Variants in HMMR observed in about 807,000 individuals in gnomAD.
HMMR encodes the protein intracellular hyaluronic acid-binding protein.
In HMMR, 108 loss-of-function variants were observed where a neutral mutation model predicts 101.0. That is an observed-to-expected ratio of 1.07 (90% CI 0.92 to 1.25). The LOEUF is 1.25. Ranked by LOEUF, HMMR falls within the 50% of genes most tolerant of loss-of-function variation. The pLI is 0.00. For synonymous variants in HMMR, 296 were observed against 276.4 expected (o/e 1.07, Z -0.70); for missense variants, 813 against 788.7 (o/e 1.03, Z -0.37).
intron 15 of HMMR, 114 bp downstream of exon 15, chr5:163,483,481 A>G (rs1441633464): frequency 1.0e-5 from 6 of 598,690 alleles, no homozygotes; most frequent in Non-Finnish European, 1.8e-5. Flanking sequence ...CTCTGCACTT[A>G]CAGTGCCAAT....
intron 1 of HMMR, among the ~76,000 whole-genome samples, chr5:163,463,272 A>G (rs1758598175): frequency 6.6e-6 from 1 of 152,254 alleles, no homozygotes. Flanking sequence ...ATTAAATAAA[A>G]TAACATCTGT....
chr5:163,478,911 T>A, intron 12 of HMMR, 111 bp downstream of exon 12: 1 of 609,276 alleles, frequency 1.6e-6, no homozygotes, highest in Non-Finnish European at 3.0e-6. Context: ...CATACTAGTT[T>A]AAATTCCATA....
intron 12 of HMMR, among the ~76,000 whole-genome samples, 160 bp downstream of exon 12, chr5:163,478,960 ATCTTATTGTAT>A (rs1293383391): frequency 3.3e-5 from 5 of 152,154 alleles, no homozygotes; most frequent in African/African-American, 4.8e-5. Context: ...TTATCTGGTA[ATCTTATTGTAT>A]TTATATAATT....
chr5:163,491,022 A>G (rs1225833944), intron 17 of HMMR, 90 bp from the exon 18 acceptor site: 3 of 639,844 alleles, frequency 4.7e-6, no homozygotes, highest in African/African-American at 3.8e-5. Flanking sequence ...TCTGCCTTAA[A>G]GAAGATACAA....
At chr5:163,468,059 A>C (rs1414126433) in intron 4 of HMMR, among the ~76,000 whole-genome samples, 2 of 152,236 alleles carry the variant, frequency 1.3e-5, no homozygotes, top group Non-Finnish European at 2.9e-5. Flanking sequence ...TCCATCGTTC[A>C]CAGTCTTCCT....
At chr5:163,474,450 A>C (rs1581193792) in intron 10 of HMMR, 1 of 496,180 alleles carries the variant, frequency 2.0e-6, no homozygotes, top group South Asian at 1.7e-5. Flanking sequence ...ATTTTTAAAA[A>C]ATTTTCTGGC....
intron 10 of HMMR, 49 bp from the exon 11 acceptor site, chr5:163,475,409 C>A: frequency 1.8e-6 from 2 of 1,110,378 alleles, no homozygotes; most frequent in Non-Finnish European, 2.6e-6. Context: ...CTAGTACAAC[C>A]TCACAATGCC....
chr5:163,468,120 A>C (rs776936310), intron 4 of HMMR, among the ~76,000 whole-genome samples: 2 of 152,262 alleles, frequency 1.3e-5, no homozygotes, highest in Non-Finnish European at 2.9e-5. Context: ...CTTAGTGAGC[A>C]TGCAATCCTA....
chr5:163,469,837 A>G lies in HMMR; in HGVS notation c.462+8A>G, dbSNP rs780269534. ...GAACTACTAAAATCTAAGGTATCTG[A>G]GCCTCATGATAATATTTACAATTGA... is the stretch of plus-strand genomic sequence containing the variant. On this transcript the variant is annotated splice_region_variant and intron_variant, in intron 5 of 17. Transcript: ENST00000393915. 7 of 1,550,296 alleles carry G rather than the reference A, an allele frequency of 4.5e-6. No individual in the cohort carries two copies. The East Asian group carries it at 9.0e-5, about 20-fold the overall frequency.
At chr5:163,466,206 G>T (rs1209983619) in intron 3 of HMMR, among the ~76,000 whole-genome samples, 4 of 151,788 alleles carry the variant, frequency 2.6e-5, no homozygotes, top group Non-Finnish European at 5.9e-5. Context: ...GGCAGAGGTT[G>T]CAGTGAGCCG....
At chr5:163,485,526 A>G (rs951966531) in intron 16 of HMMR, among the ~76,000 whole-genome samples, 2 of 152,172 alleles carry the variant, frequency 1.3e-5, no homozygotes, top group African/African-American at 4.8e-5. Flanking sequence ...TTGGATTATT[A>G]GTCTTTTTAT....
chr5:163,490,562 G>A lies in HMMR; in HGVS notation c.2125+10G>A. 6.4e-7 allele frequency: 1 copy of A among 1,569,910 alleles called. No homozygotes were observed. Among genetic ancestry groups the A allele is most frequent in the Non-Finnish European group, 8.6e-7 (1 of 1,157,700 alleles). ...ACCCCATTAAAAGAAGGTAAGACAT[G>A]AATAAATGTATAAAAGTGTCCTCTT... On this transcript the variant is annotated intron_variant, in intron 17 of 17. Coordinates refer to ENST00000393915, the MANE Select transcript of HMMR (RefSeq NM_001142556.2).
In HMMR at chr5:163,491,584, C is replaced by A. The variant is rs1178906166; in HGVS notation, c.*420C>A. The A allele has an allele frequency of 6.5e-6, 1 of 153,670 alleles. No individual in the cohort carries two copies. The highest frequency in any genetic ancestry group is 2.4e-5 in the African/African-American group (1 of 41,510). The allele number at this position is 153,670 out of a possible 1,614,324, so 9.5% of individuals were successfully genotyped here. A position where few individuals can be genotyped will look rare whatever the true frequency, so the allele number is the denominator to read the frequency against. ...GCTTGTTATTGCCTCTACTTTGATT[C>A]TGATAATGCTCACTTGGTCCTACCT... On this transcript the variant is annotated 3_prime_UTR_variant, in exon 18 of 18. Coordinates refer to ENST00000393915, the MANE Select transcript of HMMR (RefSeq NM_001142556.2).
intron 12 of HMMR, 45 bp from the exon 13 acceptor site, chr5:163,482,597 G>A (rs187318276): frequency 3.2e-5 from 44 of 1,371,846 alleles, no homozygotes; most frequent in East Asian, 2.1e-4. Context: ...ATTGTCATAC[G>A]CAATAGTTAG....
Position 163,471,463 on chromosome 5 carries a change from T to C in HMMR, c.650T>C (p.Leu217Pro). 6.3e-7 allele frequency: 1 copy of C among 1,581,690 alleles called. No individual in the cohort carries two copies. Among genetic ancestry groups the C allele is most frequent in the Non-Finnish European group, 8.7e-7 (1 of 1,151,166 alleles). ...AAAATAGCCCAACTGGAGGGAAAACTGTAAGTGAGTGAATGTGAAGAGAAA... is the reference window on the plus strand; with the variant it reads ...AAAATAGCCCAACTGGAGGGAAAACCGTAAGTGAGTGAATGTGAAGAGAAA... ...QGKIAQLEGKLVSIEKEKIDE... is the reference protein window; with the variant it reads ...QGKIAQLEGKPVSIEKEKIDE... The change falls in exon 7 of 18, where the codon CTT (leucine) becomes CCT (proline). Residue 217 changes from leucine to proline, a missense_variant and splice_region_variant. Coordinates refer to ENST00000393915, the MANE Select transcript of HMMR (RefSeq NM_001142556.2).
chr5:163,462,231 A>T (rs1450608913), intron 1 of HMMR, among the ~76,000 whole-genome samples: 1 of 151,970 alleles, frequency 6.6e-6, no homozygotes, highest in Non-Finnish European at 1.5e-5. Context: ...TTTATCAAAG[A>T]TATAGTATTT....
At position 163,483,042 on chromosome 5, in the gene HMMR, A is replaced by G. The variant is rs1398066620; in HGVS notation, c.1555A>G (p.Lys519Glu). Residue 519 changes from lysine to glutamate, a missense_variant, in exon 14 of 18, where the codon AAG (lysine) becomes GAG (glutamate). Coordinates refer to ENST00000393915, the MANE Select transcript of HMMR (RefSeq NM_001142556.2). ...YVRMLLDLQT[K>E]SALKETEIKE... Reference sequence around the variant, plus strand: ...AAGGATGCTTCTAGATCTGCAGACCAAGTCAGCACTAAAGGAAACAGAAAT... The same window carrying G: ...AAGGATGCTTCTAGATCTGCAGACCGAGTCAGCACTAAAGGAAACAGAAAT... The G allele has an allele frequency of 6.2e-7, 1 of 1,606,908 alleles. No individual in the cohort carries two copies. Among genetic ancestry groups the G allele is most frequent in the Non-Finnish European group, 8.5e-7 (1 of 1,177,540 alleles).
chr5:163,479,672 A>G (rs1759192702), intron 12 of HMMR, among the ~76,000 whole-genome samples: 1 of 152,148 alleles, frequency 6.6e-6, no homozygotes, highest in Non-Finnish European at 1.5e-5. Context: ...AAAACAAACG[A>G]AAAATAAATA....
chr5:163,464,476 T>C (rs911980314), intron 2 of HMMR, among the ~76,000 whole-genome samples: 2 of 151,638 alleles, frequency 1.3e-5, no homozygotes, highest in African/African-American at 4.8e-5. Flanking sequence ...ATTAGCCAGG[T>C]GTGGTGGGGT....
Sources: allele counts gnomAD v4.1 joint callset (sites outside exome capture counted in the v4.1 genomes callset), GRCh38; gene constraint gnomAD v4.1.1; transcripts MANE v1.5; gene names NCBI Gene and HGNC (gene_info 2026-07-23, HGNC 2026-07-21).